The following CREBBP variants were observed in gnomAD, a reference collection of about 807,000 sequenced individuals.
CREBBP encodes the protein CREB-binding protein.
CREBBP carries 19 observed loss-of-function variants against 265.0 expected under a neutral mutation model. The ratio of observed to expected loss-of-function variants is 0.07; its 90% confidence interval spans 0.05 to 0.11. CREBBP has a LOEUF of 0.11. Ranked by LOEUF, CREBBP falls within the 10% of genes least tolerant of loss-of-function variation. CREBBP has a pLI of 1.00. For missense variants in CREBBP, 2,525 were observed against 3,219.0 expected (o/e 0.78, Z 5.22); for synonymous variants, 1,457 against 1,223.7 (o/e 1.19, Z -3.98).
chr16:3,812,854 G>T (rs1251124074), intron 2 of CREBBP: 1 of 187,750 alleles, frequency 5.3e-6, no homozygotes, highest in Non-Finnish European at 1.1e-5. Context: ...TTGATGGACT[G>T]GGAAGGTCCC....
intron 18 of CREBBP, 57 bp downstream of exon 18, chr16:3,757,752 C>A: frequency 6.2e-7 from 1 of 1,607,122 alleles, no homozygotes; most frequent in African/African-American, 1.3e-5. Flanking sequence ...TAGTATAACA[C>A]CCCTCTGGCT....
chr16:3,734,329 T>C (rs1415370092), intron 28 of CREBBP, among the ~76,000 whole-genome samples: 3 of 152,102 alleles, frequency 2.0e-5, no homozygotes, highest in Non-Finnish European at 2.9e-5. Flanking sequence ...TTGTTGTCCA[T>C]GAACCAAACA....
chr16:3,871,226 C>T (rs550327264), intron 1 of CREBBP, among the ~76,000 whole-genome samples: 330 of 151,016 alleles, frequency 2.2e-3, no homozygotes, highest in African/African-American at 6.9e-3. Context: ...CACACACACA[C>T]ACACACACCC....
Position 3,777,849 on chromosome 16 carries a change from C to G in CREBBP, c.2113+162G>C, listed in dbSNP as rs1358255845. 1.2e-5 allele frequency: 13 copies of G among 1,084,270 alleles called. No homozygotes were observed. The East Asian group carries it at 2.9e-4, about 24-fold the overall frequency. The allele number at this position is 1,084,270 out of a possible 1,614,324, so 67.2% of individuals were successfully genotyped here. A position where few individuals can be genotyped will look rare whatever the true frequency, so the allele number is the denominator to read the frequency against. On this transcript the variant is annotated intron_variant, in intron 10 of 30. Coordinates refer to ENST00000262367, the MANE Select transcript of CREBBP (RefSeq NM_004380.3). Reference sequence around the variant, plus strand: ...TTCCCAAGAGAGAAACTCAGTGTCCCAACACAGCCTGAGGCAGGTGGTCAG... The same window carrying G: ...TTCCCAAGAGAGAAACTCAGTGTCCGAACACAGCCTGAGGCAGGTGGTCAG...
At chr16:3,788,016 T>C (rs1390895352) in intron 5 of CREBBP, among the ~76,000 whole-genome samples, 1 of 152,154 alleles carries the variant, frequency 6.6e-6, no homozygotes, top group East Asian at 1.9e-4. Context: ...CACCTACAGA[T>C]GGAACATGTT....
In CREBBP at chr16:3,849,425, GTGTGTGT is replaced by G. The variant is rs2054747956; in HGVS notation, c.798+865_798+871del. Among the ~76,000 whole-genome samples, 17 of 10,568 alleles carry G rather than the reference GTGTGTGT, an allele frequency of 1.6e-3. 1 individual carries two copies. The highest frequency in any genetic ancestry group is 4.5e-3 in the Non-Finnish European group (10 of 2,210). The allele number at this position is 10,568 out of a possible 152,430, so 6.9% of individuals were successfully genotyped here. A position where few individuals can be genotyped will look rare whatever the true frequency, so the allele number is the denominator to read the frequency against. On this transcript the variant is annotated intron_variant, in intron 2 of 30. Coordinates refer to ENST00000262367, the MANE Select transcript of CREBBP (RefSeq NM_004380.3). ...TGTGTGTGTGTGTGTGTGTGTGTGT[GTGTGTGT>G]GTGTGTGTGTGTGTGTGTGTGTGTG...
intron 19 of CREBBP, among the ~76,000 whole-genome samples, chr16:3,756,692 T>A (rs129965): frequency 0.16 from 23,902 of 152,180 alleles, 4,872 homozygotes; most frequent in African/African-American, 0.47. Flanking sequence ...CTCTGCCTTA[T>A]AGGAAGCAGC....
chr16:3,849,440 TG>T (rs2054761720), intron 2 of CREBBP, among the ~76,000 whole-genome samples: 1 of 14,890 alleles, frequency 6.7e-5, no homozygotes, highest in African/African-American at 1.0e-4. Flanking sequence ...TGTGTGTGTG[TG>T]TGTGTGTGTG....
chr16:3,846,722 C>T (rs1202074129), intron 2 of CREBBP, among the ~76,000 whole-genome samples: 2 of 152,068 alleles, frequency 1.3e-5, no homozygotes, highest in African/African-American at 2.4e-5. Context: ...CACAAGAAAA[C>T]GCTGTGTAAT....
intron 2 of CREBBP, among the ~76,000 whole-genome samples, chr16:3,826,656 C>A (rs1348534898): frequency 6.6e-6 from 1 of 152,146 alleles, no homozygotes; most frequent in East Asian, 1.9e-4. Context: ...TCCTATAATA[C>A]ACCTGACTCG....
At chr16:3,849,441 G>GCGTGACCT (rs2054762823) in intron 2 of CREBBP, among the ~76,000 whole-genome samples, 2 of 17,942 alleles carry the variant, frequency 1.1e-4, no homozygotes, top group African/African-American at 2.1e-4. Flanking sequence ...GTGTGTGTGT[G>GCGTGACCT]TGTGTGTGTG....
Position 3,816,882 on chromosome 16 carries a change from T to C in CREBBP, c.799-6103A>G, listed in dbSNP as rs1019137518. Among the ~76,000 whole-genome samples, 8 of 152,078 alleles carry C rather than the reference T, an allele frequency of 5.3e-5. No homozygotes were observed. The South Asian group carries it at 1.2e-3, about 24-fold the overall frequency. On this transcript the variant is annotated intron_variant, in intron 2 of 30. Coordinates refer to ENST00000262367, the MANE Select transcript of CREBBP (RefSeq NM_004380.3). Reference sequence around the variant, plus strand: ...CACCATGCCACGCAGCCCCTAGGAATAGAGCCAGGAAGGAGGTGGTCAAAG... The same window carrying C: ...CACCATGCCACGCAGCCCCTAGGAACAGAGCCAGGAAGGAGGTGGTCAAAG...
At position 3,729,476 on chromosome 16, in the gene CREBBP, G is replaced by A. The variant is rs773738846; in HGVS notation, c.5571C>T (p.His1857=). 94 of 1,614,074 alleles carry A rather than the reference G, an allele frequency of 5.8e-5. No individual in the cohort carries two copies. The highest frequency in any genetic ancestry group is 7.7e-5 in the Non-Finnish European group (91 of 1,180,026). Residue 1857 remains histidine (H), a synonymous_variant, in exon 31 of 31, where the codon CAC becomes CAT. Coordinates refer to ENST00000262367, the MANE Select transcript of CREBBP (RefSeq NM_004380.3). ...GCATGAGCTGGGCCTGCTGCAGGCG[G>A]TGCTGGATCTGCTGCTGGCGGAGCT... The part of the protein sequence containing the change: ...KHKLRQQQIQ[H]RLQQAQLMRR...
chr16:3,788,255 C>A (rs1452367319), intron 5 of CREBBP, among the ~76,000 whole-genome samples: 5 of 152,244 alleles, frequency 3.3e-5, no homozygotes, highest in Non-Finnish European at 7.3e-5. Flanking sequence ...TCTTCCAAGG[C>A]ATCCAGAGCA....
chr16:3,759,380 G>C (rs1489900854), intron 16 of CREBBP, among the ~76,000 whole-genome samples: 1 of 152,080 alleles, frequency 6.6e-6, no homozygotes, highest in Non-Finnish European at 1.5e-5. Flanking sequence ...CCTGAGGTCA[G>C]GAGTTCAAGA....
At chr16:3,758,363 A>G (rs540638940) in intron 17 of CREBBP, among the ~76,000 whole-genome samples, 3 of 152,352 alleles carry the variant, frequency 2.0e-5, no homozygotes, top group East Asian at 1.9e-4. Flanking sequence ...TAAAATAGTG[A>G]ACAAGTTTAT....
chr16:3,809,213 T>G (rs1380631096), intron 3 of CREBBP, among the ~76,000 whole-genome samples: 1 of 151,946 alleles, frequency 6.6e-6, no homozygotes, highest in Non-Finnish European at 1.5e-5. Context: ...AGTCTTGCTC[T>G]GCCACCCAGG....
chr16:3,799,021 ATAC>A (rs2053660988), intron 3 of CREBBP, among the ~76,000 whole-genome samples: 1 of 152,246 alleles, frequency 6.6e-6, no homozygotes, highest in Non-Finnish European at 1.5e-5. Context: ...GTAACCACAC[ATAC>A]TACAACATGA....
intron 2 of CREBBP, among the ~76,000 whole-genome samples, chr16:3,811,034 C>T (rs1298162515): frequency 6.6e-6 from 1 of 152,058 alleles, no homozygotes; most frequent in African/African-American, 2.4e-5. Context: ...TCACTCAATC[C>T]CTCCTGCCCC....
Sources: gnomAD v4.1 joint callset for allele counts (sites outside exome capture counted in the v4.1 genomes callset) on GRCh38, gnomAD v4.1.1 for gene constraint, MANE v1.5 for transcripts, NCBI Gene and HGNC (gene_info 2026-07-23, HGNC 2026-07-21) for gene names.